The following UST variants were observed in gnomAD, a reference collection of about 807,000 sequenced individuals.
The protein encoded by UST is uronyl 2-sulfotransferase.
UST carries 21 observed loss-of-function variants against 45.6 expected under a neutral mutation model. The ratio of observed to expected loss-of-function variants is 0.46; its 90% CI spans 0.33 to 0.66. UST has a LOEUF of 0.66. Ranked by LOEUF, UST falls within the 30% of genes least tolerant of loss-of-function variation. The pLI, the probability that UST is intolerant of heterozygous loss-of-function variation, is 0.02. For synonymous variants in UST, 215 were observed against 200.6 expected (o/e 1.07, Z -0.61); for missense variants, 463 against 512.4 (o/e 0.90, Z 0.93).
rs559911654 is a variant in UST, at chr6:148,747,479, C to T, written c.49C>T (p.His17Tyr). ...HPGGGADPWP[H>Y]GAPMGGAPPG... ...CGGCGGCGGCGCGGATCCCTGGCCC[C>T]ATGGGGCCCCTATGGGGGGCGCCCC... The change falls in exon 1 of 8, where the codon CAT becomes TAT. Residue 17 changes from histidine (H) to tyrosine (Y), a missense_variant. Physicochemically the swap from His to Tyr is moderately conservative, Grantham distance 83. Around this residue, in one of 2 missense-constraint regions of UST, gnomAD observed 176 missense variants for 138.3 expected, o/e 1.27. Transcript: ENST00000367463. The T allele has an allele frequency of 1.1e-5, 16 of 1,489,786 alleles. No homozygotes were observed. In the East Asian group the frequency reaches 2.5e-4, roughly 23 times the overall value. The allele number at this position is 1,489,786 out of a possible 1,614,324, so 92.3% of individuals were successfully genotyped here.
At chr6:148,773,605 T>C (rs913263361) in intron 1 of UST, among the ~76,000 whole-genome samples, 4 of 152,222 alleles carry the variant, frequency 2.6e-5, no homozygotes, top group Non-Finnish European at 5.9e-5. Context: ...ACTACATTTC[T>C]TTTAGTACAC....
At chr6:148,772,274 T>C (rs1776444002) in intron 1 of UST, among the ~76,000 whole-genome samples, 1 of 152,190 alleles carries the variant, frequency 6.6e-6, no homozygotes, top group African/African-American at 2.4e-5. Context: ...AAGGATGCTA[T>C]GTGCCCAAGG....
At chr6:148,874,382 T>A in intron 1 of UST, among the ~76,000 whole-genome samples, 1 of 152,210 alleles carries the variant, frequency 6.6e-6, no homozygotes, top group East Asian at 1.9e-4. Flanking sequence ...AAGGCAGTGT[T>A]TTTGAGCCTG....
chr6:148,988,201 G>A (rs1318811828), intron 5 of UST, among the ~76,000 whole-genome samples: 1 of 152,054 alleles, frequency 6.6e-6, no homozygotes, highest in Non-Finnish European at 1.5e-5. Flanking sequence ...TGAGGCAGGA[G>A]GTAGCAAGAA....
At chr6:149,070,831 A>G (rs1776808664) in intron 7 of UST, among the ~76,000 whole-genome samples, 1 of 152,070 alleles carries the variant, frequency 6.6e-6, no homozygotes, top group Non-Finnish European at 1.5e-5. Flanking sequence ...GCAGTGGCGC[A>G]ATCTCAGCTC....
chr6:148,854,373 C>A (rs558730041), intron 1 of UST, among the ~76,000 whole-genome samples: 165 of 152,334 alleles, frequency 1.1e-3, no homozygotes, highest in Admixed American at 2.0e-3. Context: ...TTACATACTT[C>A]CGGAAAGGCT....
chr6:148,774,675 C>T lies in UST; in HGVS notation c.247+26998C>T, dbSNP rs185727957. On this transcript the variant is annotated intron_variant, in intron 1 of 7. Transcript: ENST00000367463. ...AATACAAGCTGAAAAATTTGTTACT[C>T]AGACTTTCTTTTCAGCATTTTTTAG... 1.9e-3 allele frequency among the ~76,000 whole-genome samples: 284 copies of T among 152,292 alleles called. 3 individuals carry two copies. The highest frequency in any genetic ancestry group is 1.1e-3 in the Non-Finnish European group (74 of 68,020).
intron 1 of UST, among the ~76,000 whole-genome samples, chr6:148,821,267 G>A (rs1438355957): frequency 6.6e-6 from 1 of 151,796 alleles, no homozygotes; most frequent in Non-Finnish European, 1.5e-5. Context: ...CACCGCACCT[G>A]GCTGTATTTT....
intron 2 of UST, among the ~76,000 whole-genome samples, chr6:148,911,475 C>G (rs568124471): frequency 6.6e-6 from 1 of 152,190 alleles, no homozygotes. Flanking sequence ...ACTGACGGAA[C>G]CTTTGTCTCC....
intron 5 of UST, among the ~76,000 whole-genome samples, chr6:148,986,894 T>G (rs1781248878): frequency 6.6e-6 from 1 of 152,270 alleles, no homozygotes; most frequent in Non-Finnish European, 1.5e-5. Flanking sequence ...TGCAGTGTCC[T>G]GCACACCACA....
At chr6:148,956,424 A>G (rs768084672) in intron 4 of UST, among the ~76,000 whole-genome samples, 1 of 152,210 alleles carries the variant, frequency 6.6e-6, no homozygotes, top group African/African-American at 2.4e-5. Context: ...TGATAAAACC[A>G]TCATATCTTG....
rs1320536181 is a variant in UST at position 148,790,372 on chromosome 6, G to C, written c.247+42695G>C. 6.6e-6 allele frequency among the ~76,000 whole-genome samples: 1 copy of C among 152,170 alleles called. No individual in the cohort carries two copies. Among genetic ancestry groups the C allele is most frequent in the African/African-American group, 2.4e-5 (1 of 41,454 alleles). On this transcript the variant is annotated intron_variant, in intron 1 of 7. Transcript: ENST00000367463. This position sits in a 1 kb window ranked among gnomAD's most constrained non-coding sequence, Gnocchi z 4.2. The stretch of plus-strand genomic sequence containing the variant: ...AGAATAATCCTTCACTATATTTGCT[G>C]TTTCTGGAATAGTAGAGACCACAAG...
In UST at chr6:148,800,069, C is replaced by G. The variant is rs79822354; in HGVS notation, c.247+52392C>G. Among the ~76,000 whole-genome samples, 948 of 152,326 alleles carry G rather than the reference C, an allele frequency of 6.2e-3. 11 individuals are homozygous for G. The highest frequency in any genetic ancestry group is 0.021 in the African/African-American group (894 of 41,588). ...GCATCCTGATGAGGAAGATTCTTTA[C>G]TTTCCTAGCTTCCATGAGTCTTTAA... On this transcript the variant is annotated intron_variant, in intron 1 of 7. Transcript: ENST00000367463.
At chr6:148,778,991 G>C (rs1471550856) in intron 1 of UST, among the ~76,000 whole-genome samples, 1 of 152,092 alleles carries the variant, frequency 6.6e-6, no homozygotes, top group African/African-American at 2.4e-5. Flanking sequence ...CTTCTGCAAG[G>C]CCGAGCCCAC....
intron 1 of UST, among the ~76,000 whole-genome samples, chr6:148,821,602 G>T (rs1440695258): frequency 6.6e-6 from 1 of 152,190 alleles, no homozygotes; most frequent in Non-Finnish European, 1.5e-5. Flanking sequence ...TAAAAACTAT[G>T]TAAATATTCT....
chr6:148,897,299 C>G (rs1020655175), intron 2 of UST, among the ~76,000 whole-genome samples: 11 of 151,972 alleles, frequency 7.2e-5, no homozygotes, highest in Non-Finnish European at 1.3e-4. Flanking sequence ...TCCCGAGTAG[C>G]TGGGATTACA....
At chr6:148,870,361 G>T (rs1471351289) in intron 1 of UST, among the ~76,000 whole-genome samples, 1 of 152,180 alleles carries the variant, frequency 6.6e-6, no homozygotes, top group Non-Finnish European at 1.5e-5. Context: ...AGTTCTGCAC[G>T]CATGTAAGCT....
Position 148,748,233 on chromosome 6 carries a change from G to T in UST, c.247+556G>T, listed in dbSNP as rs1033811249. The stretch of plus-strand genomic sequence containing the variant: ...CTGTCCCCGGGCTGGCTTGTCCCTT[G>T]GCTGCCGCTGCCCACCCCGCCGCCC... On this transcript the variant is annotated intron_variant, in intron 1 of 7. Coordinates refer to ENST00000367463, the MANE Select transcript of UST (RefSeq NM_005715.3). This position sits in a 1 kb window ranked among gnomAD's most constrained non-coding sequence, Gnocchi z 5.3. Among the ~76,000 whole-genome samples the T allele has an allele frequency of 3.3e-5, 5 of 151,942 alleles. No individual in the cohort carries two copies. Among genetic ancestry groups the T allele is most frequent in the Non-Finnish European group, 7.4e-5 (5 of 67,996 alleles).
At chr6:148,848,766 G>A (rs1426666515) in intron 1 of UST, among the ~76,000 whole-genome samples, 1 of 152,034 alleles carries the variant, frequency 6.6e-6, no homozygotes, top group Non-Finnish European at 1.5e-5. Context: ...AGAGACATAT[G>A]ACAAGAAATT....
Sources: gnomAD v4.1 joint callset for allele counts (sites outside exome capture counted in the v4.1 genomes callset) on GRCh38, gnomAD v4.1.1 for gene constraint, gnomAD v4.1.1 regional missense constraint, Gnocchi (gnomAD v3.1) non-coding constraint, MANE v1.5 for transcripts, NCBI Gene and HGNC (gene_info 2026-07-23, HGNC 2026-07-21) for gene names.